The following PRRC2B variants were observed in gnomAD, a reference collection of about 807,000 sequenced individuals.
The protein encoded by PRRC2B is proline rich coiled-coil 2B.
PRRC2B carries 68 observed loss-of-function variants against 242.3 expected under a neutral mutation model. The observed-to-expected ratio is 0.28, with a 90% CI of 0.23 to 0.34. The LOEUF (loss-of-function observed/expected upper bound fraction) is 0.34, where lower values mean the gene tolerates loss of function less well. PRRC2B is among the 10% of genes least tolerant of loss of function. The pLI is 1.00. For missense variants in PRRC2B, 2,835 were observed against 2,954.8 expected (o/e 0.96, Z 0.94); for synonymous variants, 1,228 against 1,173.6 (o/e 1.05, Z -0.95).
In PRRC2B at chr9:131,492,204, C is replaced by T. The variant is rs374399333; in HGVS notation, c.6417C>T (p.Ala2139=). 1.5e-5 allele frequency: 25 copies of T among 1,613,688 alleles called. No homozygotes were observed. In the Middle Eastern group the frequency reaches 4.9e-4, roughly 32 times the overall value. The stretch of plus-strand genomic sequence containing the variant: ...TGGAGATGAAAGGCTTCCACTTTGC[C>T]GACAGTAAACAGAATGTCCCTTCAG... The part of the protein sequence containing the change: ...SQMEMKGFHF[A]DSKQNVPSGG... Residue 2139 remains alanine (A), a synonymous_variant, in exon 30 of 32, where the codon GCC becomes GCT. Coordinates refer to ENST00000683519, the MANE Select transcript of PRRC2B (RefSeq NM_013318.4).
In PRRC2B at chr9:131,374,263, A is replaced by G. The variant is rs150290063; in HGVS notation, c.-56+532A>G. Among the ~76,000 whole-genome samples, 721 of 152,168 alleles carry G rather than the reference A, an allele frequency of 4.7e-3. 5 individuals carry two copies. Among genetic ancestry groups the G allele is most frequent in the African/African-American group, 0.017 (696 of 41,528 alleles). On this transcript the variant is annotated intron_variant, in intron 1 of 1. Transcript: ENST00000682525. The stretch of plus-strand genomic sequence containing the variant: ...ACTGTGAGTTAGTGTGGTTAAAACT[A>G]AACACACTGTGGCTGGGTGCGGTGG...
At chr9:131,376,046 CAAAAA>C (rs56400904) in intron 1 of PRRC2B, among the ~76,000 whole-genome samples, 4 of 72,970 alleles carry the variant, frequency 5.5e-5, no homozygotes, top group Middle Eastern at 9.6e-3. Context: ...GAGACTGTCT[CAAAAA>C]AAAAAAAAAA....
intron 1 of PRRC2B, among the ~76,000 whole-genome samples, chr9:131,377,677 T>C (rs1228146803): frequency 1.3e-5 from 2 of 152,184 alleles, no homozygotes; most frequent in Non-Finnish European, 2.9e-5. Flanking sequence ...GAGGGTTTAG[T>C]GTCCAAGGCG....
chr9:131,410,235 C>T (rs1837471265), intron 1 of PRRC2B, among the ~76,000 whole-genome samples: 3 of 152,346 alleles, frequency 2.0e-5, no homozygotes, highest in Middle Eastern at 3.4e-3. Context: ...GCCTGCCTGC[C>T]TGTGAGCTAG....
chr9:131,482,192 G>A lies in PRRC2B; in HGVS notation c.4984-179G>A, dbSNP rs898632156. Among the ~76,000 whole-genome samples the A allele has an allele frequency of 2.6e-5, 4 of 152,216 alleles. No individual in the cohort carries two copies. The highest frequency in any genetic ancestry group is 9.6e-5 in the African/African-American group (4 of 41,460). ...GTGGTCACGAGCTCTATCGGGGTTGGTGTGTTTGGCCACACGTAAGTTGTC... is the reference window on the plus strand; with the variant it reads ...GTGGTCACGAGCTCTATCGGGGTTGATGTGTTTGGCCACACGTAAGTTGTC... On this transcript the variant is annotated intron_variant, in intron 20 of 31. Transcript: ENST00000683519. This position sits in a 1 kb window ranked among gnomAD's most constrained non-coding sequence, Gnocchi z 5.2.
chr9:131,478,757 C>T (rs1377661587), intron 18 of PRRC2B, 138 bp downstream of exon 18: 16 of 626,344 alleles, frequency 2.6e-5, no homozygotes, highest in South Asian at 1.4e-4. Context: ...TTAGCAAGCA[C>T]ACATTGTCTC....
At chr9:131,489,785 T>C (rs1944132366) in intron 28 of PRRC2B, among the ~76,000 whole-genome samples, 1 of 152,118 alleles carries the variant, frequency 6.6e-6, no homozygotes, top group South Asian at 2.1e-4. Context: ...CTCTCTTTCA[T>C]GCATCAGATA....
At position 131,487,856 on chromosome 9, in the gene PRRC2B, A is replaced by G. The variant is rs1944071304; in HGVS notation, c.5985A>G (p.Arg1995=). The G allele has an allele frequency of 1.9e-6, 3 of 1,605,122 alleles. No individual in the cohort carries two copies. Among genetic ancestry groups the G allele is most frequent in the Admixed American group, 3.3e-5 (2 of 59,828 alleles). ...CCGACCATCTGTCTGGCTTTTGCAGATCTCAGGTGTACATGCACCCCAGCC... is the reference window on the plus strand; with the variant it reads ...CCGACCATCTGTCTGGCTTTTGCAGGTCTCAGGTGTACATGCACCCCAGCC... ...QEIFSSLQPF[R]SQVYMHPSLS... Residue 1995 remains arginine, a splice_region_variant and synonymous_variant, in exon 28 of 32, where the codon AGA becomes AGG. Transcript: ENST00000683519. The surrounding 1 kb of genome is among the most constrained non-coding windows in gnomAD (Gnocchi z 5.3).
chr9:131,394,012 G>GGGAGGA, upstream of PRRC2B: 1 of 150,846 alleles, frequency 6.6e-6, no homozygotes, highest in East Asian at 1.9e-4. Context: ...GGGCGGCGGC[G>GGGAGGA]GGAGGAGGAG....
intron 1 of PRRC2B, among the ~76,000 whole-genome samples, chr9:131,422,328 C>T (rs1039443298): frequency 6.6e-6 from 1 of 152,218 alleles, no homozygotes; most frequent in Non-Finnish European, 1.5e-5. Context: ...ACTGGGATTA[C>T]AGGCGTGAGT....
At chr9:131,413,930 A>G (rs1052391374) in intron 1 of PRRC2B, among the ~76,000 whole-genome samples, 10 of 152,198 alleles carry the variant, frequency 6.6e-5, no homozygotes, top group Admixed American at 2.6e-4. Flanking sequence ...TCGGCCTCCC[A>G]AAGTGCTGGG....
intron 8 of PRRC2B, 29 bp from the exon 9 acceptor site, chr9:131,447,633 C>T (rs1158195343): frequency 1.9e-6 from 3 of 1,561,502 alleles, no homozygotes; most frequent in South Asian, 1.2e-5. Context: ...GTATACTGGA[C>T]ATGATTCCAT....
chr9:131,458,527 GTC>G (rs370160922), intron 10 of PRRC2B, among the ~76,000 whole-genome samples: 3 of 150,172 alleles, frequency 2.0e-5, no homozygotes, highest in African/African-American at 7.4e-5. Context: ...CTGAGACGGA[GTC>G]TCTCTCTGTT....
At chr9:131,375,576 G>T (rs927438676) in intron 1 of PRRC2B, among the ~76,000 whole-genome samples, 2 of 152,030 alleles carry the variant, frequency 1.3e-5, no homozygotes, top group East Asian at 3.9e-4. Flanking sequence ...GTAGGAGCTC[G>T]CCATGTTATC....
intron 11 of PRRC2B, 30 bp from the exon 12 acceptor site, chr9:131,464,733 C>CG (rs1273573799): frequency 6.5e-7 from 1 of 1,539,688 alleles, no homozygotes; most frequent in African/African-American, 1.4e-5. Flanking sequence ...CCGGACCCAC[C>CG]GCCTTATCTC....
chr9:131,464,335 G>T (rs182957300), intron 11 of PRRC2B, among the ~76,000 whole-genome samples: 8 of 152,282 alleles, frequency 5.3e-5, no homozygotes, highest in Non-Finnish European at 8.8e-5. Flanking sequence ...ATGTATTGTT[G>T]TGCGGGCAGG....
At chr9:131,486,583 C>T in intron 26 of PRRC2B, 2 of 895,528 alleles carry the variant, frequency 2.2e-6, no homozygotes, top group Non-Finnish European at 2.6e-6. Flanking sequence ...TTATGCAGGA[C>T]TGGCATACTT....
chr9:131,476,518 G>C lies in PRRC2B; in HGVS notation c.4389G>C (p.Thr1463=). ...GCTATGAGAGCCAACAGAATGGGAC[G>C]CCTTTGAAAGTGAAAAGGTAAAACC... ...SPRYESQQNG[T]PLKVKRSPDE... is the part of the protein sequence containing the mutation. The change falls in exon 16 of 32, where the codon ACG becomes ACC. Residue 1463 remains threonine, a synonymous_variant. Transcript: ENST00000683519. 1 of 1,593,156 alleles carries C rather than the reference G, an allele frequency of 6.3e-7. No homozygotes were observed. The highest frequency in any genetic ancestry group is 8.5e-7 in the Non-Finnish European group (1 of 1,169,682).
intron 5 of PRRC2B, among the ~76,000 whole-genome samples, chr9:131,439,495 C>T (rs2966344): frequency 0.75 from 114,303 of 152,056 alleles, 43,803 homozygotes; most frequent in East Asian, 0.93. Context: ...CCCTTTGCCA[C>T]CATCCTGATA....
Sources: gnomAD v4.1 joint callset for allele counts (sites outside exome capture counted in the v4.1 genomes callset) on GRCh38, gnomAD v4.1.1 for gene constraint, Gnocchi (gnomAD v3.1) non-coding constraint, MANE v1.5 for transcripts, NCBI Gene and HGNC (gene_info 2026-07-23, HGNC 2026-07-21) for gene names.